The following KAZN variants were observed in gnomAD, a reference collection of about 807,000 sequenced individuals.
KAZN encodes kazrin.
KAZN carries 40 observed loss-of-function variants against 87.4 expected under a neutral mutation model. That is an observed-to-expected ratio of 0.46 (90% CI 0.36 to 0.60). KAZN has a LOEUF of 0.60. Among genes scored for constraint, KAZN ranks in the 20% least tolerant of loss-of-function variants. KAZN has a pLI of 0.00. For missense variants in KAZN, 898 were observed against 1,073.9 expected (o/e 0.84, Z 2.29); for synonymous variants, 466 against 458.3 (o/e 1.02, Z -0.22).
At chr1:14,297,050 G>T (rs530800934) in intron 2 of KAZN, among the ~76,000 whole-genome samples, 2 of 152,222 alleles carry the variant, frequency 1.3e-5, no homozygotes, top group Admixed American at 6.5e-5. Flanking sequence ...AGAGGCCAAG[G>T]CCCTCTGGCT....
intron 2 of KAZN, among the ~76,000 whole-genome samples, chr1:14,478,594 T>C (rs1471027580): frequency 6.6e-6 from 1 of 152,246 alleles, no homozygotes; most frequent in African/African-American, 2.4e-5. Context: ...TTCCTTACTC[T>C]TCCTTCACAA....
At chr1:14,771,699 G>A (rs1390582148) in intron 1 of KAZN, among the ~76,000 whole-genome samples, 2 of 151,878 alleles carry the variant, frequency 1.3e-5, no homozygotes, top group Non-Finnish European at 2.9e-5. Flanking sequence ...GGTGGCAGGT[G>A]CCTCTAATCC....
chr1:13,940,283 A>T (rs891765724), intron 1 of KAZN, among the ~76,000 whole-genome samples: 2 of 149,490 alleles, frequency 1.3e-5, no homozygotes, highest in African/African-American at 4.9e-5. Flanking sequence ...CTGTTGGGAG[A>T]TTTTTTTTTT....
At position 14,923,011 on chromosome 1, in the gene KAZN, A is replaced by T. The variant is rs1225278125; in HGVS notation, c.227-37673A>T. 6.6e-6 allele frequency among the ~76,000 whole-genome samples: 1 copy of T among 152,214 alleles called. No homozygotes were observed. Among genetic ancestry groups the T allele is most frequent in the Non-Finnish European group, 1.5e-5 (1 of 68,042 alleles). On this transcript the variant is annotated intron_variant, in intron 1 of 14. Transcript: ENST00000376030. This position sits in a 1 kb window ranked among gnomAD's most constrained non-coding sequence, Gnocchi z 4.2. The stretch of plus-strand genomic sequence containing the variant: ...TGCTCCTAAAAGGTTTTGTAGACTT[A>T]AGGGAAAGTAATTAGGTTCTCACAG...
chr1:15,110,389 G>GTTTT (rs1293997116), intron 13 of KAZN, among the ~76,000 whole-genome samples: 1 of 31,520 alleles, frequency 3.2e-5, no homozygotes, highest in Non-Finnish European at 9.3e-5. Context: ...GTATTTGTGT[G>GTTTT]TTTGTGTGTG....
At chr1:14,033,518 C>T (rs1641415776) in intron 1 of KAZN, among the ~76,000 whole-genome samples, 1 of 152,182 alleles carries the variant, frequency 6.6e-6, no homozygotes, top group South Asian at 2.1e-4. Context: ...CAAGCTATAC[C>T]CTAGGGACAG....
At chr1:14,557,188 A>T (rs2148521089) in intron 2 of KAZN, among the ~76,000 whole-genome samples, 2 of 152,350 alleles carry the variant, frequency 1.3e-5, no homozygotes, top group African/African-American at 4.8e-5. Flanking sequence ...CAAAAAAATT[A>T]ATGTGAATCT....
chr1:14,517,998 T>C (rs1210581249), intron 2 of KAZN, among the ~76,000 whole-genome samples: 1 of 152,186 alleles, frequency 6.6e-6, no homozygotes, highest in Non-Finnish European at 1.5e-5. Flanking sequence ...GAATGAGTGA[T>C]GGGTGTTTTA....
chr1:14,527,871 A>T (rs1383725021), intron 2 of KAZN, among the ~76,000 whole-genome samples: 1 of 152,074 alleles, frequency 6.6e-6, no homozygotes, highest in East Asian at 1.9e-4. Flanking sequence ...ATCAGGCCCC[A>T]CCTCCAACAG....
chr1:14,347,293 T>A (rs1270362776), intron 2 of KAZN, among the ~76,000 whole-genome samples: 2 of 152,146 alleles, frequency 1.3e-5, no homozygotes, highest in Non-Finnish European at 2.9e-5. Context: ...GCACATAACA[T>A]GGACAACTAT....
chr1:14,689,325 G>A (rs1641149528), intron 1 of KAZN, among the ~76,000 whole-genome samples: 1 of 152,204 alleles, frequency 6.6e-6, no homozygotes, highest in Non-Finnish European at 1.5e-5. Context: ...GCCTCTGTCT[G>A]GCAGTGACTC....
chr1:14,888,018 C>T (rs1255705556), intron 1 of KAZN, among the ~76,000 whole-genome samples: 1 of 152,116 alleles, frequency 6.6e-6, no homozygotes, highest in East Asian at 1.9e-4. Context: ...TTGCTGACAG[C>T]CTCTCTCGGT....
chr1:14,656,039 A>G (rs1638770933), intron 1 of KAZN, among the ~76,000 whole-genome samples: 1 of 152,090 alleles, frequency 6.6e-6, no homozygotes, highest in South Asian at 2.1e-4. Context: ...TTCAACCCAC[A>G]CTTGGGACCT....
At chr1:14,273,163 G>A (rs1040116444) in intron 2 of KAZN, among the ~76,000 whole-genome samples, 2 of 152,074 alleles carry the variant, frequency 1.3e-5, no homozygotes, top group African/African-American at 4.8e-5. Flanking sequence ...AGATGAGGGT[G>A]TGTTGGCTTA....
At chr1:14,924,664 A>G (rs2101525380) in intron 1 of KAZN, 1 of 729,440 alleles carries the variant, frequency 1.4e-6, no homozygotes, top group Non-Finnish European at 1.7e-6. Context: ...CGGAGCCGGG[A>G]TCGGGAAGCC....
At chr1:14,452,713 G>A (rs1252486849) in intron 2 of KAZN, among the ~76,000 whole-genome samples, 1 of 152,174 alleles carries the variant, frequency 6.6e-6, no homozygotes, top group African/African-American at 2.4e-5. Context: ...ATCCATGTGT[G>A]AAGACACTCT....
rs1417133246 is a variant in KAZN at position 14,820,460 on chromosome 1, G to A, written c.227-140224G>A. 1.3e-5 allele frequency among the ~76,000 whole-genome samples: 2 copies of A among 152,200 alleles called. No homozygotes were observed. Among genetic ancestry groups the A allele is most frequent in the African/African-American group, 2.4e-5 (1 of 41,454 alleles). On this transcript the variant is annotated intron_variant, in intron 1 of 14. Transcript: ENST00000376030. The surrounding 1 kb of genome is among the most constrained non-coding windows in gnomAD (Gnocchi z 4.1). ...GGATGTGTCCCACTGCCCCCGTTTGGTGCCACAGTTGGGTTTATTCTCACA... is the reference window on the plus strand; with the variant it reads ...GGATGTGTCCCACTGCCCCCGTTTGATGCCACAGTTGGGTTTATTCTCACA...
chr1:14,069,313 G>T (rs1451300054), intron 1 of KAZN, among the ~76,000 whole-genome samples: 1 of 152,180 alleles, frequency 6.6e-6, no homozygotes, highest in Non-Finnish European at 1.5e-5. Context: ...GGGTAGCAGG[G>T]TTCCACGTGA....
In KAZN at chr1:15,106,103, G is replaced by A. The variant is rs867093590; in HGVS notation, c.2048+1914G>A. Among the ~76,000 whole-genome samples, 10 of 152,124 alleles carry A rather than the reference G, an allele frequency of 6.6e-5. 2 individuals are homozygous for A. The South Asian group carries it at 1.7e-3, about 25-fold the overall frequency. On this transcript the variant is annotated intron_variant, in intron 13 of 14. Transcript: ENST00000376030. ...AAGATCAGCCTGGGCAACATAGCGTGACCTTTTCTCTACTAAAAATTAAAA... is the reference window on the plus strand; with the variant it reads ...AAGATCAGCCTGGGCAACATAGCGTAACCTTTTCTCTACTAAAAATTAAAA...
Sources: allele counts gnomAD v4.1 joint callset (sites outside exome capture counted in the v4.1 genomes callset), GRCh38; gene constraint gnomAD v4.1.1; non-coding constraint Gnocchi (gnomAD v3.1); transcripts MANE v1.5; gene names NCBI Gene and HGNC (gene_info 2026-07-23, HGNC 2026-07-21).